SORCS3: variants seen among roughly 807,000 people sequenced by gnomAD.
SORCS3 encodes sortilin related VPS10 domain containing receptor 3.
A neutral mutation model predicts 146.3 loss-of-function variants in SORCS3; 57 were observed. The ratio of observed to expected loss-of-function variants is 0.39; its 90% CI spans 0.31 to 0.49. The LOEUF is 0.49. Ranked by LOEUF, SORCS3 falls within the 20% of genes least tolerant of loss-of-function variation. SORCS3 has a pLI of 0.92. For synonymous variants in SORCS3, 653 were observed against 618.5 expected (o/e 1.06, Z -0.83); for missense variants, 1,341 against 1,575.5 (o/e 0.85, Z 2.52).
At chr10:105,217,189 C>G in intron 19 of SORCS3, 67 bp downstream of exon 19, 6 of 1,539,714 alleles carry the variant, frequency 3.9e-6, no homozygotes, top group Middle Eastern at 2.2e-4. Context: ...GTTCAGACTT[C>G]CTAAAATTCA....
intron 1 of SORCS3, among the ~76,000 whole-genome samples, chr10:104,773,733 G>A (rs1390763548): frequency 6.6e-6 from 1 of 152,218 alleles, no homozygotes; most frequent in African/African-American, 2.4e-5. Flanking sequence ...GGATGTACAT[G>A]AGAAAGAAGT....
At chr10:104,991,243 A>T (rs1458022242) in intron 4 of SORCS3, among the ~76,000 whole-genome samples, 6 of 152,164 alleles carry the variant, frequency 3.9e-5, no homozygotes, top group Non-Finnish European at 7.3e-5. Flanking sequence ...GCTATAGCAA[A>T]GTACCACAGA....
chr10:105,047,833 G>A (rs574219713), intron 5 of SORCS3, among the ~76,000 whole-genome samples: 1 of 152,196 alleles, frequency 6.6e-6, no homozygotes, highest in East Asian at 1.9e-4. Context: ...GAAAGGCCAT[G>A]AGGGAAGGGA....
chr10:104,896,799 C>G (rs1525389), intron 2 of SORCS3, among the ~76,000 whole-genome samples: 13,321 of 152,288 alleles, frequency 0.087, 778 homozygotes, highest in South Asian at 0.27. Flanking sequence ...CAACTGTACT[C>G]ATTTACTTAC....
intron 1 of SORCS3, among the ~76,000 whole-genome samples, chr10:104,651,328 G>A (rs944694793): frequency 6.6e-6 from 1 of 152,146 alleles, no homozygotes; most frequent in Non-Finnish European, 1.5e-5. Flanking sequence ...TTCACTGGCT[G>A]TAAAATGATG....
intron 1 of SORCS3, among the ~76,000 whole-genome samples, chr10:104,799,949 T>C (rs1285373230): frequency 2.0e-5 from 3 of 152,060 alleles, no homozygotes; most frequent in Admixed American, 6.5e-5. Context: ...GTGCTGGGAT[T>C]ACAGGCATGA....
At chr10:105,127,270 C>T (rs532934576) in intron 7 of SORCS3, among the ~76,000 whole-genome samples, 5 of 152,074 alleles carry the variant, frequency 3.3e-5, no homozygotes, top group South Asian at 2.1e-4. Flanking sequence ...TTGTCAACCA[C>T]GCAAAGGAGT....
chr10:104,673,147 G>C (rs572126556), intron 1 of SORCS3, among the ~76,000 whole-genome samples: 72 of 152,094 alleles, frequency 4.7e-4, no homozygotes, highest in Admixed American at 2.4e-3. Flanking sequence ...TGCATGTTTG[G>C]ATCTAAACTG....
intron 20 of SORCS3, among the ~76,000 whole-genome samples, chr10:105,226,733 T>A (rs576227212): frequency 6.6e-6 from 1 of 151,998 alleles, no homozygotes; most frequent in East Asian, 1.9e-4. Context: ...TAAATCTCAT[T>A]ATCAGTTATT....
At chr10:104,936,066 A>G (rs573692415) in intron 3 of SORCS3, among the ~76,000 whole-genome samples, 1 of 151,726 alleles carries the variant, frequency 6.6e-6, no homozygotes, top group African/African-American at 2.4e-5. Context: ...GTCCAGTATG[A>G]CATTGCTTTG....
chr10:105,219,498 G>T (rs1231135076), intron 19 of SORCS3, among the ~76,000 whole-genome samples: 1 of 152,144 alleles, frequency 6.6e-6, no homozygotes, highest in Non-Finnish European at 1.5e-5. Flanking sequence ...GAACAGTTTA[G>T]GCAGAGTGAA....
intron 16 of SORCS3, among the ~76,000 whole-genome samples, chr10:105,204,145 G>A (rs1192324730): frequency 6.6e-6 from 1 of 152,040 alleles, no homozygotes; most frequent in African/African-American, 2.4e-5. Context: ...GGTACCATGT[G>A]GATCCAAGAC....
chr10:104,682,128 A>G (rs1407258822), intron 1 of SORCS3, among the ~76,000 whole-genome samples: 1 of 152,212 alleles, frequency 6.6e-6, no homozygotes, highest in Non-Finnish European at 1.5e-5. Context: ...GCAAGGTGGT[A>G]GAAACATTTT....
intron 4 of SORCS3, among the ~76,000 whole-genome samples, chr10:105,029,339 A>G (rs2133694323): frequency 6.6e-6 from 1 of 152,302 alleles, no homozygotes; most frequent in Non-Finnish European, 1.5e-5. Flanking sequence ...CCCATTTTAA[A>G]ATCCAAGGAC....
chr10:104,757,744 G>T (rs1398025933), intron 1 of SORCS3, among the ~76,000 whole-genome samples: 1 of 152,012 alleles, frequency 6.6e-6, no homozygotes. Flanking sequence ...TTTCTGAAGA[G>T]ATTTCTGTTC....
At chr10:105,095,741 G>A (rs1364709113) in intron 6 of SORCS3, among the ~76,000 whole-genome samples, 1 of 140,522 alleles carries the variant, frequency 7.1e-6, no homozygotes, top group Non-Finnish European at 1.6e-5. Context: ...ACAGGCAGAC[G>A]TGGAGAGTAG....
intron 2 of SORCS3, among the ~76,000 whole-genome samples, chr10:104,899,165 C>T (rs2018827030): frequency 6.6e-6 from 1 of 152,176 alleles, no homozygotes; most frequent in African/African-American, 2.4e-5. Context: ...GCATGTTTTA[C>T]ATCAGACAGA....
At chr10:105,148,251 G>A (rs143787679) in intron 9 of SORCS3, among the ~76,000 whole-genome samples, 2 of 152,186 alleles carry the variant, frequency 1.3e-5, no homozygotes, top group East Asian at 1.9e-4. Context: ...GCGAATATCA[G>A]TGGTGGGAAT....
rs938886079 is a variant in SORCS3 at position 104,777,040 on chromosome 10, A to G, written c.628-65752A>G. Among the ~76,000 whole-genome samples the G allele has an allele frequency of 4.6e-5, 7 of 151,990 alleles. No individual in the cohort carries two copies. In the East Asian group the frequency reaches 1.4e-3, roughly 29 times the overall value. ...GGGGTGGAGGCTTTGGGGGCATCCT[A>G]CATGCCCAGGTCACAGTGGTACCTC... On this transcript the variant is annotated intron_variant, in intron 1 of 26. Transcript: ENST00000369701.
Sources: gnomAD v4.1 joint callset for allele counts (sites outside exome capture counted in the v4.1 genomes callset) on GRCh38, gnomAD v4.1.1 for gene constraint, MANE v1.5 for transcripts, NCBI Gene and HGNC (gene_info 2026-07-23, HGNC 2026-07-21) for gene names.